STAM: variants seen among roughly 807,000 people sequenced by gnomAD.
The protein encoded by STAM is signal transducing adapter molecule 1.
A neutral mutation model predicts 63.4 loss-of-function variants in STAM; 16 were observed. The ratio of observed to expected loss-of-function variants is 0.25; its 90% confidence interval spans 0.17 to 0.38. The LOEUF (loss-of-function observed/expected upper bound fraction) is 0.38, where lower values mean the gene tolerates loss of function less well. Among genes scored for constraint, STAM ranks in the 10% least tolerant of loss-of-function variants. The pLI, the probability that STAM is intolerant of heterozygous loss-of-function variation, is 1.00. For missense variants in STAM, 636 were observed against 657.1 expected (o/e 0.97, Z 0.35); for synonymous variants, 238 against 223.9 (o/e 1.06, Z -0.56).
At chr10:17,714,037 G>C (rs1393796444) in intron 13 of STAM, among the ~76,000 whole-genome samples, 1 of 152,240 alleles carries the variant, frequency 6.6e-6, no homozygotes, top group Non-Finnish European at 1.5e-5. Flanking sequence ...TCTCCTCAAA[G>C]GCTTCTTTCT....
Position 17,669,951 on chromosome 10 carries a change from C to G in STAM, c.125+9403C>G, listed in dbSNP as rs186566998. ...TTCACCATGTTAGCCAGGATGGTCT[C>G]GATCTCCTGACTTCGTGATCCGCCC... is the stretch of plus-strand genomic sequence containing the variant. On this transcript the variant is annotated intron_variant, in intron 2 of 13. Transcript: ENST00000377524. Among the ~76,000 whole-genome samples, 780 of 143,636 alleles carry G rather than the reference C, an allele frequency of 5.4e-3. 13 individuals are homozygous for G. Among genetic ancestry groups the G allele is most frequent in the African/African-American group, 0.02 (757 of 38,456 alleles). 94.2% of individuals were successfully genotyped at this position (143,636 alleles called of 152,430 possible). A position where few individuals can be genotyped will look rare whatever the true frequency, so the allele number is the denominator to read the frequency against.
intron 2 of STAM, among the ~76,000 whole-genome samples, chr10:17,671,143 T>C (rs782048822): frequency 5.9e-5 from 9 of 152,208 alleles, no homozygotes; most frequent in Non-Finnish European, 7.3e-5. Context: ...GTGTGTCTGC[T>C]AGGTCCTGGT....
intron 4 of STAM, among the ~76,000 whole-genome samples, chr10:17,687,287 C>CA (rs1218447467): frequency 3.9e-5 from 6 of 152,022 alleles, no homozygotes; most frequent in South Asian, 2.1e-4. Context: ...CCAGCCTGGC[C>CA]AACATGGTAA....
intron 4 of STAM, among the ~76,000 whole-genome samples, chr10:17,687,421 G>A (rs10904994): frequency 0.12 from 18,299 of 152,032 alleles, 1,227 homozygotes; most frequent in East Asian, 0.26. Context: ...TCTGGGAGGC[G>A]GAGGTTGCAG....
At position 17,645,638 on chromosome 10, in the gene STAM, C is replaced by T. The variant is rs1374642968; in HGVS notation, c.40+1259C>T. On this transcript the variant is annotated intron_variant, in intron 1 of 13. Coordinates refer to ENST00000377524, the MANE Select transcript of STAM (RefSeq NM_003473.4). ...CTAGATGCTACCTTTTTTGTTCCAC[C>T]TTAAATGAGTGTCCTGAATCTTAGC... Among the ~76,000 whole-genome samples the T allele has an allele frequency of 2.0e-5, 3 of 152,030 alleles. No homozygotes were observed. In the South Asian group the frequency reaches 6.2e-4, roughly 31 times the overall value.
chr10:17,708,852 G>A lies in STAM; in HGVS notation c.1286G>A (p.Ser429Asn). The A allele has an allele frequency of 6.2e-7, 1 of 1,614,184 alleles. No homozygotes were observed. Among genetic ancestry groups the A allele is most frequent in the Non-Finnish European group, 8.5e-7 (1 of 1,180,028 alleles). ...NAQMSHLQSY[S>N]LPPEQLSSLS... ...CAGATGAGCCACCTCCAGAGCTACA[G>A]TCTTCCCCCGGAGCAGCTGTCTTCT... The change falls in exon 13 of 14, where the codon AGT becomes AAT. Residue 429 changes from serine to asparagine, a missense_variant. Ser to Asn is a conservative substitution (Grantham distance 46). This residue lies in a region of STAM where 532 missense variants were observed against 536.9 expected (regional missense o/e 0.99). Transcript: ENST00000377524.
chr10:17,663,703 A>G (rs1252423914), intron 2 of STAM, among the ~76,000 whole-genome samples: 1 of 152,168 alleles, frequency 6.6e-6, no homozygotes, highest in African/African-American at 2.4e-5. Context: ...TCTTGTTAAT[A>G]AAGAGTTGTT....
intron 5 of STAM, among the ~76,000 whole-genome samples, chr10:17,692,722 G>C: frequency 6.6e-6 from 1 of 152,100 alleles, no homozygotes; most frequent in Non-Finnish European, 1.5e-5. Flanking sequence ...TTACAAAATA[G>C]GATTTTTGAG....
intron 2 of STAM, among the ~76,000 whole-genome samples, chr10:17,676,517 ACG>A (rs1834863617): frequency 3.9e-5 from 6 of 152,324 alleles, no homozygotes; most frequent in African/African-American, 1.4e-4. Context: ...GGAAGCTGCA[ACG>A]GTATAGAAAT....
At chr10:17,664,931 G>A (rs1834316255) in intron 2 of STAM, among the ~76,000 whole-genome samples, 1 of 152,084 alleles carries the variant, frequency 6.6e-6, no homozygotes, top group African/African-American at 2.4e-5. Flanking sequence ...AAATCAAAAT[G>A]ATTTGTAACT....
chr10:17,662,242 C>T (rs1157792289), intron 2 of STAM, among the ~76,000 whole-genome samples: 1 of 152,092 alleles, frequency 6.6e-6, no homozygotes, highest in African/African-American at 2.4e-5. Flanking sequence ...ACATTCATTT[C>T]AGCTCAACTA....
intron 12 of STAM, among the ~76,000 whole-genome samples, chr10:17,707,604 T>G (rs947148084): frequency 6.6e-6 from 1 of 151,974 alleles, no homozygotes; most frequent in Admixed American, 6.6e-5. Context: ...GATCACCAGT[T>G]TGAGACAAGG....
chr10:17,696,460 C>T (rs1196270076), intron 7 of STAM: 2 of 231,330 alleles, frequency 8.6e-6, no homozygotes, highest in Non-Finnish European at 1.7e-5. Context: ...ATTACAAAGA[C>T]TTCTTACTCT....
At chr10:17,709,590 G>A (rs17141543) in intron 13 of STAM, among the ~76,000 whole-genome samples, 11,418 of 152,148 alleles carry the variant, frequency 0.075, 452 homozygotes, top group Middle Eastern at 0.13. Flanking sequence ...ATGGGACTCT[G>A]AGCTGAAATC....
chr10:17,670,740 T>C (rs1554823978), intron 2 of STAM, among the ~76,000 whole-genome samples: 1 of 143,098 alleles, frequency 7.0e-6, no homozygotes, highest in Non-Finnish European at 1.5e-5. Context: ...AATAGTCAAA[T>C]AACATCACTG....
chr10:17,666,245 G>A (rs782302287), intron 2 of STAM, among the ~76,000 whole-genome samples: 1 of 152,042 alleles, frequency 6.6e-6, no homozygotes, highest in Non-Finnish European at 1.5e-5. Flanking sequence ...TTCTTTACCC[G>A]ACTAATGGAT....
rs536600590 is a variant in STAM, at chr10:17,702,776, G to A, written c.913-1655G>A. On this transcript the variant is annotated intron_variant, in intron 9 of 13. Transcript: ENST00000377524. The stretch of plus-strand genomic sequence containing the variant: ...TGTAATCCCAGCACTTCGGGAGGCC[G>A]AGGCGGGCAGATCACGAGGTCAGGA... 2.7e-3 allele frequency among the ~76,000 whole-genome samples: 418 copies of A among 152,214 alleles called. 1 individual carries two copies. Among genetic ancestry groups the A allele is most frequent in the Non-Finnish European group, 4.4e-3 (302 of 67,992 alleles).
intron 2 of STAM, among the ~76,000 whole-genome samples, chr10:17,667,466 A>C (rs535749676): frequency 5.9e-5 from 9 of 151,992 alleles, no homozygotes; most frequent in Non-Finnish European, 1.2e-4. Flanking sequence ...TCCATGTTTC[A>C]CTCAGTTTCG....
At chr10:17,649,874 A>G (rs1302687614) in intron 1 of STAM, among the ~76,000 whole-genome samples, 1 of 152,122 alleles carries the variant, frequency 6.6e-6, no homozygotes, top group Admixed American at 6.5e-5. Context: ...CAGCCTCCCA[A>G]AGTGCTGGGA....
Sources: gnomAD v4.1 joint callset for allele counts (sites outside exome capture counted in the v4.1 genomes callset) on GRCh38, gnomAD v4.1.1 for gene constraint, gnomAD v4.1.1 regional missense constraint, MANE v1.5 for transcripts, NCBI Gene and HGNC (gene_info 2026-07-23, HGNC 2026-07-21) for gene names.